The following RPS6KA5 variants were observed in gnomAD, a reference collection of about 807,000 sequenced individuals.
The protein encoded by RPS6KA5 is ribosomal protein S6 kinase alpha-5.
RPS6KA5 carries 27 observed loss-of-function variants against 85.5 expected under a neutral mutation model. That is an observed-to-expected ratio of 0.32 (90% confidence interval 0.23 to 0.44). The LOEUF (loss-of-function observed/expected upper bound fraction) is 0.44. Ranked by LOEUF, RPS6KA5 falls within the 20% of genes least tolerant of loss-of-function variation. The pLI is 1.00. For missense variants in RPS6KA5, 811 were observed against 980.9 expected, an observed-to-expected ratio of 0.83 and a Z score of 2.31; for synonymous variants, 334 against 348.2, an observed-to-expected ratio of 0.96 and a Z score of 0.46.
At chr14:90,947,409 G>A in intron 4 of RPS6KA5, 26 bp downstream of exon 4, 1 of 1,328,642 alleles carries the variant, frequency 7.5e-7, no homozygotes, top group Non-Finnish European at 1.1e-6. Flanking sequence ...CTTCAGAAAA[G>A]AAACCTGAAA....
At chr14:90,994,637 T>C (rs948327818) in intron 2 of RPS6KA5, among the ~76,000 whole-genome samples, 1 of 147,016 alleles carries the variant, frequency 6.8e-6, no homozygotes, top group Non-Finnish European at 1.5e-5. Flanking sequence ...AGTGGTGTGA[T>C]CTCAGCTCAC....
chr14:90,920,136 G>T, intron 7 of RPS6KA5, 70 bp downstream of exon 7: 3 of 996,740 alleles, frequency 3.0e-6, no homozygotes, highest in Non-Finnish European at 3.2e-6. Flanking sequence ...GTTTACATCA[G>T]CCTAACCGCA....
chr14:90,939,728 G>T (rs1250936142), intron 5 of RPS6KA5, among the ~76,000 whole-genome samples: 1 of 151,922 alleles, frequency 6.6e-6, no homozygotes, highest in Non-Finnish European at 1.5e-5. Flanking sequence ...CTGCCCCCAT[G>T]ATTCAGTTAA....
At position 90,906,304 on chromosome 14, in the gene RPS6KA5, A is replaced by T; in HGVS notation, c.807-5T>A. 1.9e-6 allele frequency: 3 copies of T among 1,571,460 alleles called. No individual in the cohort carries two copies. Among genetic ancestry groups the T allele is most frequent in the Non-Finnish European group, 2.6e-6 (3 of 1,153,560 alleles). Reference sequence around the variant, plus strand: ...GGCTCACTTTTTAATATTCTCCTGTAGGCAGACAAAACTTGCTGTTAAAAC... The same window carrying T: ...GGCTCACTTTTTAATATTCTCCTGTTGGCAGACAAAACTTGCTGTTAAAAC... On this transcript the variant is annotated splice_region_variant and splice_polypyrimidine_tract_variant and intron_variant, in intron 7 of 16. Coordinates refer to ENST00000614987, the MANE Select transcript of RPS6KA5 (RefSeq NM_004755.4).
chr14:90,946,391 C>T (rs1453887294), intron 4 of RPS6KA5, among the ~76,000 whole-genome samples: 1 of 152,114 alleles, frequency 6.6e-6, no homozygotes, highest in African/African-American at 2.4e-5. Context: ...TGAACCATCT[C>T]CCTTCACCTG....
chr14:90,995,161 G>T, intron 2 of RPS6KA5, among the ~76,000 whole-genome samples: 1 of 151,910 alleles, frequency 6.6e-6, no homozygotes, highest in East Asian at 1.9e-4. Flanking sequence ...CAGTAGGTGG[G>T]ATTACAGGTG....
chr14:91,019,215 T>C (rs1204655822), intron 1 of RPS6KA5, among the ~76,000 whole-genome samples: 1 of 152,086 alleles, frequency 6.6e-6, no homozygotes, highest in Non-Finnish European at 1.5e-5. Flanking sequence ...GGCCATGAGG[T>C]ACCCAGATAT....
intron 7 of RPS6KA5, 42 bp from the exon 8 acceptor site, chr14:90,906,341 CAAAAAA>C: frequency 8.6e-7 from 1 of 1,159,068 alleles, no homozygotes; most frequent in South Asian, 2.0e-5. Context: ...AACAGGATGA[CAAAAAA>C]AAAAAAAAGC....
chr14:91,000,694 C>T (rs1186757732), intron 2 of RPS6KA5, among the ~76,000 whole-genome samples: 1 of 152,096 alleles, frequency 6.6e-6, no homozygotes, highest in Non-Finnish European at 1.5e-5. Context: ...CCCAGCTACT[C>T]AGGAGGCTGA....
intron 3 of RPS6KA5, among the ~76,000 whole-genome samples, chr14:90,962,230 C>T (rs1041913488): frequency 2.6e-5 from 4 of 151,998 alleles, no homozygotes; most frequent in South Asian, 2.1e-4. Flanking sequence ...CTAGGAAGTA[C>T]ATAGTGGCTC....
intron 1 of RPS6KA5, among the ~76,000 whole-genome samples, chr14:91,044,460 A>T (rs954865578): frequency 1.3e-5 from 2 of 152,086 alleles, no homozygotes; most frequent in Non-Finnish European, 2.9e-5. Flanking sequence ...TTACCCAAGT[A>T]GGCCTAACCT....
intron 7 of RPS6KA5, among the ~76,000 whole-genome samples, chr14:90,907,262 A>G (rs1229928985): frequency 6.6e-6 from 1 of 152,346 alleles, no homozygotes; most frequent in East Asian, 1.9e-4. Flanking sequence ...TTAATGTATA[A>G]GAGACAGTAT....
chr14:91,059,863 T>A (rs539991904), intron 1 of RPS6KA5, among the ~76,000 whole-genome samples: 1 of 152,252 alleles, frequency 6.6e-6, no homozygotes, highest in South Asian at 2.1e-4. Flanking sequence ...CCCCAGCACC[T>A]TAGGGGATGG....
At chr14:91,027,154 T>C (rs901841424) in intron 1 of RPS6KA5, among the ~76,000 whole-genome samples, 2 of 152,250 alleles carry the variant, frequency 1.3e-5, no homozygotes, top group Non-Finnish European at 2.9e-5. Context: ...TTTGTTTTTC[T>C]TGCAATTGCT....
chr14:90,889,470 A>T (rs2034432180), intron 14 of RPS6KA5, among the ~76,000 whole-genome samples: 1 of 152,128 alleles, frequency 6.6e-6, no homozygotes, highest in Non-Finnish European at 1.5e-5. Flanking sequence ...AGTTGATGAG[A>T]ACATAATCTG....
chr14:90,905,088 TTA>T (rs1352534322), intron 8 of RPS6KA5, among the ~76,000 whole-genome samples: 5 of 152,286 alleles, frequency 3.3e-5, no homozygotes, highest in East Asian at 1.9e-4. Context: ...GTATTTCTCA[TTA>T]TGTTACTGAA....
intron 2 of RPS6KA5, among the ~76,000 whole-genome samples, chr14:90,993,141 T>C (rs1943129018): frequency 1.3e-5 from 2 of 152,120 alleles, no homozygotes; most frequent in Non-Finnish European, 2.9e-5. Context: ...CACTCAGCTT[T>C]TGTATGTTTG....
intron 1 of RPS6KA5, among the ~76,000 whole-genome samples, chr14:91,042,760 C>G (rs2042654373): frequency 1.1e-5 from 1 of 87,768 alleles, no homozygotes; most frequent in South Asian, 4.0e-4. Context: ...AGGTGCACAA[C>G]ATCCCATCCC....
At chr14:90,976,951 C>G (rs776932766) in intron 3 of RPS6KA5, among the ~76,000 whole-genome samples, 1 of 152,018 alleles carries the variant, frequency 6.6e-6, no homozygotes, top group Non-Finnish European at 1.5e-5. Flanking sequence ...GTTTGTATTA[C>G]CAATAATCAA....
Sources: gnomAD v4.1 joint callset for allele counts (sites outside exome capture counted in the v4.1 genomes callset) on GRCh38, gnomAD v4.1.1 for gene constraint, MANE v1.5 for transcripts, NCBI Gene and HGNC (gene_info 2026-07-23, HGNC 2026-07-21) for gene names.